HECW2: variants seen among roughly 807,000 people sequenced by gnomAD.
The protein encoded by HECW2 is HECT, C2 and WW domain containing E3 ubiquitin protein ligase 2.
HECW2 carries 61 observed loss-of-function variants against 175.2 expected under a neutral mutation model. The observed-to-expected ratio is 0.35, with a 90% confidence interval of 0.28 to 0.43. The LOEUF is 0.43. Among genes scored for constraint, HECW2 ranks in the 20% least tolerant of loss-of-function variants. HECW2 has a pLI of 1.00. For missense variants in HECW2, 1,524 were observed against 2,000.5 expected, an observed-to-expected ratio of 0.76 and a Z score of 4.54; for synonymous variants, 671 against 731.0, an observed-to-expected ratio of 0.92 and a Z score of 1.32.
At chr2:196,411,729 G>A (rs977809126) in intron 2 of HECW2, among the ~76,000 whole-genome samples, 4 of 152,264 alleles carry the variant, frequency 2.6e-5, no homozygotes, top group Non-Finnish European at 5.9e-5. Flanking sequence ...TACATGGGAA[G>A]CCTGGATGCG....
rs537852204 is a variant in HECW2 at position 196,465,195 on chromosome 2, G to C, written c.-35-31737C>G. Among the ~76,000 whole-genome samples, 33 of 152,178 alleles carry C rather than the reference G, an allele frequency of 2.2e-4. 1 individual carries two copies. The highest frequency in any genetic ancestry group is 6.5e-5 in the Admixed American group (1 of 15,280). On this transcript the variant is annotated intron_variant, in intron 1 of 28. Coordinates refer to ENST00000644978, the MANE Select transcript of HECW2 (RefSeq NM_001348768.2). ...TTCTAACAAATTAAAGTATTTGGCA[G>C]TAATTTTTTTAAGCAGATGGATTGG...
intron 19 of HECW2, among the ~76,000 whole-genome samples, chr2:196,248,899 T>C (rs116406650): frequency 1.5e-4 from 23 of 152,268 alleles, no homozygotes; most frequent in Non-Finnish European, 2.9e-4. Flanking sequence ...TTTACTTCTG[T>C]TGAAGGTGAC....
In HECW2 at chr2:196,240,444, C is replaced by T; in HGVS notation, c.3764+5G>A. 6.3e-7 allele frequency: 1 copy of T among 1,596,332 alleles called. No homozygotes were observed. Among genetic ancestry groups the T allele is most frequent in the Non-Finnish European group, 8.6e-7 (1 of 1,169,032 alleles). ...TTCCACAGGCCACTTCTCTGTTCTA[C>T]TCACCCTTCCTCCCCAACGAAGGTG... On this transcript the variant is annotated splice_donor_5th_base_variant and intron_variant, in intron 21 of 28. Transcript: ENST00000644978.
At chr2:196,307,440 G>A (rs1024944381) in intron 11 of HECW2, among the ~76,000 whole-genome samples, 1 of 151,956 alleles carries the variant, frequency 6.6e-6, no homozygotes, top group Non-Finnish European at 1.5e-5. Context: ...CATCTTCCTG[G>A]CAAATTAATA....
intron 1 of HECW2, among the ~76,000 whole-genome samples, chr2:196,455,742 C>G (rs1369687545): frequency 6.6e-6 from 1 of 152,026 alleles, no homozygotes; most frequent in East Asian, 1.9e-4. Flanking sequence ...TAATTTTTAA[C>G]ACTGGAAATA....
intron 19 of HECW2, among the ~76,000 whole-genome samples, chr2:196,243,612 C>A (rs1056115931): frequency 2.0e-5 from 3 of 151,906 alleles, no homozygotes; most frequent in Non-Finnish European, 4.4e-5. Flanking sequence ...CGGAGTTTTG[C>A]TCTTGTTGCC....
chr2:196,237,791 G>GT lies in HECW2; in HGVS notation c.3764+2657dup, dbSNP rs558888543. Among the ~76,000 whole-genome samples the GT allele has an allele frequency of 1.1e-4, 16 of 152,236 alleles. No individual in the cohort carries two copies. The East Asian group carries it at 3.1e-3, about 29-fold the overall frequency. On this transcript the variant is annotated intron_variant, in intron 21 of 28. Coordinates refer to ENST00000644978, the MANE Select transcript of HECW2 (RefSeq NM_001348768.2). ...GCTTTGTCCATTGGGAACTCTTTCA[G>GT]TTGGCTCCTGGGTTTTTTCAACATA... is the stretch of plus-strand genomic sequence containing the variant.
At chr2:196,495,783 A>G (rs1260604014) in intron 1 of HECW2, among the ~76,000 whole-genome samples, 1 of 152,194 alleles carries the variant, frequency 6.6e-6, no homozygotes, top group Non-Finnish European at 1.5e-5. Context: ...TAATATATGT[A>G]AGACTCTTAG....
intron 1 of HECW2, among the ~76,000 whole-genome samples, chr2:196,503,491 A>G (rs1472601794): frequency 6.6e-6 from 1 of 152,144 alleles, no homozygotes; most frequent in African/African-American, 2.4e-5. Context: ...GGGCAGAAAA[A>G]GAACTAGGGA....
Position 196,318,638 on chromosome 2 carries a change from T to C in HECW2, c.2252A>G (p.Glu751Gly). The C allele has an allele frequency of 6.3e-7, 1 of 1,598,186 alleles. No individual in the cohort carries two copies. The highest frequency in any genetic ancestry group is 8.5e-7 in the Non-Finnish European group (1 of 1,172,008). The change falls in exon 9 of 29, where the codon GAG (glutamate) becomes GGG (glycine). Residue 751 changes from glutamate to glycine, a missense_variant. Glu to Gly is a moderately conservative substitution (Grantham distance 98). Around this residue, in one of 11 missense-constraint regions of HECW2, gnomAD observed 604 missense variants for 588.3 expected, o/e 1.03. Transcript: ENST00000644978. ...ACTGCCTTCTTCTTGCGGTGGGCTC[T>C]CGGCAGCAGCTGCAGCTCCCTCCAG... ...GSLEGAAAAA[E>G]SPPQEEGSAG...
intron 10 of HECW2, 40 bp from the exon 11 acceptor site, chr2:196,308,125 A>C (rs1398985224): frequency 6.9e-7 from 1 of 1,458,904 alleles, no homozygotes; most frequent in African/African-American, 1.4e-5. Flanking sequence ...TAGGAGGAGG[A>C]GCTGAGATGA....
chr2:196,242,010 A>C (rs1208851833), intron 20 of HECW2, 74 bp downstream of exon 20: 1 of 1,432,780 alleles, frequency 7.0e-7, no homozygotes, highest in African/African-American at 1.4e-5. Context: ...ATCACAATCA[A>C]TTTCCTAGAG....
At chr2:196,355,256 T>C (rs1559062972) in intron 2 of HECW2, among the ~76,000 whole-genome samples, 1 of 152,242 alleles carries the variant, frequency 6.6e-6, no homozygotes, top group Admixed American at 6.5e-5. Flanking sequence ...TACACACTGC[T>C]GTCAGTACAT....
intron 17 of HECW2, among the ~76,000 whole-genome samples, chr2:196,265,357 T>C (rs534256400): frequency 6.6e-6 from 1 of 152,224 alleles, no homozygotes; most frequent in South Asian, 2.1e-4. Context: ...TGGTAGTGCA[T>C]TGCTGTAGTT....
chr2:196,340,413 A>G (rs1276042255), intron 3 of HECW2, among the ~76,000 whole-genome samples: 3 of 151,956 alleles, frequency 2.0e-5, no homozygotes, highest in Admixed American at 6.6e-5. Context: ...CCTGGCCAAC[A>G]TGGTGAAAAC....
At chr2:196,514,580 C>G (rs566220614) in intron 1 of HECW2, among the ~76,000 whole-genome samples, 38 of 152,142 alleles carry the variant, frequency 2.5e-4, no homozygotes, top group Non-Finnish European at 3.7e-4. Flanking sequence ...TCCCGGCACG[C>G]CCATGGCTAC....
rs201201270 is a variant in HECW2 at position 196,394,332 on chromosome 2, G to GA, written c.292+38799dup. On this transcript the variant is annotated intron_variant, in intron 2 of 28. Coordinates refer to ENST00000644978, the MANE Select transcript of HECW2 (RefSeq NM_001348768.2). ...TAAAAAAGAAAAGAAAATGATCCCAGAAAAATAGTACAGGTGGTAAATGTA... is the reference window on the plus strand; with the variant it reads ...TAAAAAAGAAAAGAAAATGATCCCAGAAAAAATAGTACAGGTGGTAAATGTA... 5.4e-3 allele frequency among the ~76,000 whole-genome samples: 819 copies of GA among 152,178 alleles called. 8 individuals carry two copies. The highest frequency in any genetic ancestry group is 0.02 in the Middle Eastern group (6 of 294).
At chr2:196,235,805 C>A (rs968634760) in intron 21 of HECW2, among the ~76,000 whole-genome samples, 9 of 151,468 alleles carry the variant, frequency 5.9e-5, no homozygotes, top group African/African-American at 2.2e-4. Flanking sequence ...TACAGGCACC[C>A]GCCACCATGC....
intron 6 of HECW2, among the ~76,000 whole-genome samples, 189 bp downstream of exon 6, chr2:196,324,791 C>A (rs1692083225): frequency 6.6e-6 from 1 of 152,106 alleles, no homozygotes; most frequent in African/African-American, 2.4e-5. Context: ...CCTGATGTGA[C>A]AGCTTCATTT....
Sources: allele counts gnomAD v4.1 joint callset (sites outside exome capture counted in the v4.1 genomes callset), GRCh38; gene constraint gnomAD v4.1.1; regional missense constraint gnomAD v4.1.1; transcripts MANE v1.5; gene names NCBI Gene and HGNC (gene_info 2026-07-23, HGNC 2026-07-21).